HIPK2: variants seen among roughly 807,000 people sequenced by gnomAD.
HIPK2 encodes the protein homeodomain-interacting protein kinase 2.
In HIPK2, 27 loss-of-function variants were observed where a neutral mutation model predicts 113.7. That is an observed-to-expected ratio of 0.24 (90% CI 0.17 to 0.33). The LOEUF (loss-of-function observed/expected upper bound fraction) is 0.33. Among genes scored for constraint, HIPK2 ranks in the 10% least tolerant of loss-of-function variants. HIPK2 has a pLI of 1.00. For synonymous variants in HIPK2, 631 were observed against 642.2 expected (o/e 0.98, Z 0.26); for missense variants, 1,257 against 1,588.0 (o/e 0.79, Z 3.54).
At chr7:139,715,867 T>C in intron 2 of HIPK2, 65 bp downstream of exon 2, 2 of 1,557,460 alleles carry the variant, frequency 1.3e-6, no homozygotes, top group Non-Finnish European at 1.7e-6. Context: ...GTGACTAAGG[T>C]GGCACATTCT....
chr7:139,708,485 G>A (rs561256725), intron 2 of HIPK2, among the ~76,000 whole-genome samples: 4 of 152,202 alleles, frequency 2.6e-5, no homozygotes, highest in Admixed American at 6.5e-5. Flanking sequence ...CCTGGGTGAT[G>A]ATGGGGCAGG....
chr7:139,735,962 G>A (rs1795927799), intron 1 of HIPK2, among the ~76,000 whole-genome samples: 1 of 152,232 alleles, frequency 6.6e-6, no homozygotes, highest in African/African-American at 2.4e-5. Context: ...CATGCCTGTG[G>A]TTGAGGGCTC....
At chr7:139,685,015 C>G (rs370559535) in intron 2 of HIPK2, among the ~76,000 whole-genome samples, 2 of 152,110 alleles carry the variant, frequency 1.3e-5, no homozygotes, top group African/African-American at 2.4e-5. Context: ...AAAAAGTTTG[C>G]AGCTATCAGA....
Position 139,716,354 on chromosome 7 carries a change from G to A in HIPK2, c.681C>T (p.Ile227=). The A allele has an allele frequency of 6.2e-7, 1 of 1,614,160 alleles. No homozygotes were observed. Among genetic ancestry groups the A allele is most frequent in the Non-Finnish European group, 8.5e-7 (1 of 1,180,024 alleles). The change falls in exon 2 of 15, where the codon ATC becomes ATT. Residue 227 remains isoleucine, a synonymous_variant. Coordinates refer to ENST00000406875, the MANE Select transcript of HIPK2 (RefSeq NM_022740.5). This position sits in a 1 kb window ranked among gnomAD's most constrained non-coding sequence, Gnocchi z 9.3. ...AGGATGGGTGGTTCTTCAGGATCTTGATGGCTACGATCTCATTGGTGCCCC... is the reference window on the plus strand; with the variant it reads ...AGGATGGGTGGTTCTTCAGGATCTTAATGGCTACGATCTCATTGGTGCCCC... The part of the protein sequence containing the change: ...WKRGTNEIVA[I]KILKNHPSYA...
intron 1 of HIPK2, among the ~76,000 whole-genome samples, chr7:139,745,336 G>A (rs1569484183): frequency 6.6e-6 from 1 of 152,174 alleles, no homozygotes; most frequent in Non-Finnish European, 1.5e-5. Flanking sequence ...TACTTAGCAG[G>A]AATGAGGAGT....
intron 2 of HIPK2, among the ~76,000 whole-genome samples, chr7:139,687,811 C>T (rs1381491871): frequency 6.6e-6 from 1 of 152,198 alleles, no homozygotes; most frequent in Admixed American, 6.5e-5. Flanking sequence ...GCTGAAACAG[C>T]TTAGATTTGT....
chr7:139,638,881 T>C (rs982041788), intron 2 of HIPK2, among the ~76,000 whole-genome samples: 4 of 152,098 alleles, frequency 2.6e-5, no homozygotes, highest in Non-Finnish European at 4.4e-5. Context: ...ATGGTCTCGA[T>C]CTCCTGACCT....
intron 2 of HIPK2, among the ~76,000 whole-genome samples, chr7:139,677,027 A>G (rs1362025423): frequency 6.6e-6 from 1 of 151,798 alleles, no homozygotes. Context: ...ACACCTGGCT[A>G]ATTTTGCATT....
chr7:139,718,161 AT>A (rs1379224133), intron 1 of HIPK2, among the ~76,000 whole-genome samples: 1 of 152,268 alleles, frequency 6.6e-6, no homozygotes, highest in African/African-American at 2.4e-5. Flanking sequence ...ACAAAAATTC[AT>A]AGAAAATATA....
At chr7:139,753,801 T>C (rs1041276985) in intron 1 of HIPK2, among the ~76,000 whole-genome samples, 6 of 152,290 alleles carry the variant, frequency 3.9e-5, no homozygotes, top group Middle Eastern at 3.4e-3. Flanking sequence ...CCAGTACACA[T>C]AGGCAGCAAA....
In HIPK2 at chr7:139,601,117, A is replaced by G. The variant is rs1338961138; in HGVS notation, c.2256-521T>C. Among the ~76,000 whole-genome samples, 6 of 151,946 alleles carry G rather than the reference A, an allele frequency of 3.9e-5. No individual in the cohort carries two copies. The East Asian group carries it at 1.2e-3, about 29-fold the overall frequency. ...AAATTAGCTGGGCATGGTGGGGTGC[A>G]CCTATGGGCCCAGCTACTCGGGAGG... On this transcript the variant is annotated intron_variant, in intron 10 of 14. Transcript: ENST00000406875.
chr7:139,631,019 C>G lies in HIPK2; in HGVS notation c.1347+146G>C. The G allele has an allele frequency of 9.1e-7, 1 of 1,095,786 alleles. No homozygotes were observed. Among genetic ancestry groups the G allele is most frequent in the Non-Finnish European group, 1.3e-6 (1 of 791,412 alleles). The allele number at this position is 1,095,786 out of a possible 1,614,324, so 67.9% of individuals were successfully genotyped here. On this transcript the variant is annotated intron_variant, in intron 4 of 14. Coordinates refer to ENST00000406875, the MANE Select transcript of HIPK2 (RefSeq NM_022740.5). This position sits in a 1 kb window ranked among gnomAD's most constrained non-coding sequence, Gnocchi z 4.9. Reference sequence around the variant, plus strand: ...AGGGAAAGAGGGGCTTCTGAGCATTCAGATTCAGCCATACCATGTATTAAC... The same window carrying G: ...AGGGAAAGAGGGGCTTCTGAGCATTGAGATTCAGCCATACCATGTATTAAC...
At chr7:139,663,459 T>A (rs569593003) in intron 2 of HIPK2, among the ~76,000 whole-genome samples, 203 of 152,308 alleles carry the variant, frequency 1.3e-3, no homozygotes, top group Non-Finnish European at 2.6e-3. Flanking sequence ...GTCCTGACGT[T>A]CGGATATGAC....
chr7:139,593,907 T>C (rs911166113), intron 12 of HIPK2, among the ~76,000 whole-genome samples: 15 of 152,190 alleles, frequency 9.9e-5, no homozygotes, highest in African/African-American at 3.4e-4. Flanking sequence ...GTGGCTGCAC[T>C]TGGGGGTGCA....
intron 2 of HIPK2, among the ~76,000 whole-genome samples, chr7:139,661,582 A>G (rs770859398): frequency 5.9e-5 from 9 of 152,194 alleles, no homozygotes. Flanking sequence ...GAACATAAAA[A>G]TGTCCCAAAT....
chr7:139,591,993 C>A (rs1799042300), intron 12 of HIPK2, among the ~76,000 whole-genome samples: 2 of 152,230 alleles, frequency 1.3e-5, no homozygotes, highest in Admixed American at 1.3e-4. Context: ...GTGGTTTTTG[C>A]TCCCTCTGTT....
Position 139,631,044 on chromosome 7 carries a change from C to A in HIPK2, c.1347+121G>T, listed in dbSNP as rs778489606. The A allele has an allele frequency of 7.5e-7, 1 of 1,331,970 alleles. No individual in the cohort carries two copies. The highest frequency in any genetic ancestry group is 2.6e-5 in the Admixed American group (1 of 38,058). The allele number at this position is 1,331,970 out of a possible 1,614,324, so 82.5% of individuals were successfully genotyped here. On this transcript the variant is annotated intron_variant, in intron 4 of 14. Transcript: ENST00000406875. This position sits in a 1 kb window ranked among gnomAD's most constrained non-coding sequence, Gnocchi z 4.9. The stretch of plus-strand genomic sequence containing the variant: ...CAGATTCAGCCATACCATGTATTAA[C>A]AACAGCACCCCCAGTGCCCTCATTT...
In HIPK2 at chr7:139,715,955, G is replaced by A; in HGVS notation, c.1080C>T (p.Thr360=). 1 of 1,614,124 alleles carries A rather than the reference G, an allele frequency of 6.2e-7. No individual in the cohort carries two copies. Among genetic ancestry groups the A allele is most frequent in the Non-Finnish European group, 8.5e-7 (1 of 1,179,970 alleles). ...ACCTGTAATATCTGGACTGCAAGTA[G>A]GTGGAGCACACAGCCTTGGAGACGT... is the stretch of plus-strand genomic sequence containing the variant. ...ASHVSKAVCS[T]YLQSRYYRAP... Residue 360 remains threonine (T), a synonymous_variant, in exon 2 of 15, where the codon ACC becomes ACT. Transcript: ENST00000406875.
Position 139,573,361 on chromosome 7 carries a change from G to T in HIPK2, c.3163C>A (p.His1055Asn). ...GTGATGTAGGCCTGCTGCCTTCGGT[G>T]GCTCCCAGTGCGGTCCGTGGTGATG... is the stretch of plus-strand genomic sequence containing the variant. ...QHITTDRTGS[H>N]RRQQAYITPT... Residue 1055 changes from histidine (H) to asparagine (N), a missense_variant, in exon 15 of 15, where the codon CAC (histidine) becomes AAC (asparagine). His to Asn is a moderately conservative substitution (Grantham distance 68). Transcript: ENST00000406875. The T allele has an allele frequency of 6.2e-7, 1 of 1,605,086 alleles. No homozygotes were observed.
Sources: gnomAD v4.1 joint callset for allele counts (sites outside exome capture counted in the v4.1 genomes callset) on GRCh38, gnomAD v4.1.1 for gene constraint, Gnocchi (gnomAD v3.1) non-coding constraint, MANE v1.5 for transcripts, NCBI Gene and HGNC (gene_info 2026-07-23, HGNC 2026-07-21) for gene names.